The following PLCB4 variants were observed in gnomAD, a reference collection of about 807,000 sequenced individuals.
PLCB4 encodes 1-phosphatidylinositol 4,5-bisphosphate phosphodiesterase beta-4.
A neutral mutation model predicts 178.8 loss-of-function variants in PLCB4; 77 were observed. The observed-to-expected ratio is 0.43, with a 90% CI of 0.36 to 0.52. The LOEUF (loss-of-function observed/expected upper bound fraction) is 0.52, where lower values mean the gene tolerates loss of function less well. Ranked by LOEUF, PLCB4 falls within the 20% of genes least tolerant of loss-of-function variation. PLCB4 has a pLI of 0.00. For synonymous variants in PLCB4, 496 were observed against 490.8 expected (o/e 1.01, Z -0.14); for missense variants, 1,024 against 1,453.4 (o/e 0.70, Z 4.80).
intron 2 of PLCB4, among the ~76,000 whole-genome samples, chr20:9,139,262 A>T (rs2092441117): frequency 6.6e-6 from 1 of 151,896 alleles, no homozygotes. Context: ...GCTTAAAACA[A>T]CCACCACCAT....
At chr20:9,373,193 C>A in intron 12 of PLCB4, 89 bp downstream of exon 12, 1 of 639,006 alleles carries the variant, frequency 1.6e-6, no homozygotes, top group Admixed American at 2.8e-5. Flanking sequence ...CATCATATGC[C>A]CTTATTCGCT....
Position 9,453,398 on chromosome 20 carries a change from G to A in PLCB4, c.2932G>A (p.Ala978Thr). 3 of 1,613,126 alleles carry A rather than the reference G, an allele frequency of 1.9e-6. No homozygotes were observed. The highest frequency in any genetic ancestry group is 2.5e-6 in the Non-Finnish European group (3 of 1,179,458). ...LHCTQVDKIV[A>T]QYDKEKSTHE... is the part of the protein sequence containing the mutation. ...CTGCACGCAAGTTGACAAAATTGTGGCACAGTATGACAAAGAGAAGTCGAC... is the reference window on the plus strand; with the variant it reads ...CTGCACGCAAGTTGACAAAATTGTGACACAGTATGACAAAGAGAAGTCGAC... Residue 978 changes from alanine (A) to threonine (T), a missense_variant, in exon 33 of 40, where the codon GCA (alanine) becomes ACA (threonine). By Grantham distance (58) the Ala-to-Thr change is moderately conservative (BLOSUM62 0). Transcript: ENST00000378473.
intron 7 of PLCB4, among the ~76,000 whole-genome samples, chr20:9,362,377 C>G (rs140699553): frequency 6.6e-6 from 1 of 152,178 alleles, no homozygotes; most frequent in African/African-American, 2.4e-5. Flanking sequence ...GCTGTTTGCT[C>G]TGATCACCCT....
chr20:9,472,713 A>G, intron 36 of PLCB4, 77 bp from the exon 37 acceptor site: 1 of 780,482 alleles, frequency 1.3e-6, no homozygotes, highest in Admixed American at 2.5e-5. Flanking sequence ...TTGATGGAAT[A>G]TAGCTCTTTA....
In PLCB4 at chr20:9,406,559, G is replaced by A. The variant is rs367622845; in HGVS notation, c.1647+1211G>A. On this transcript the variant is annotated intron_variant, in intron 21 of 39. Coordinates refer to ENST00000378473, the MANE Select transcript of PLCB4 (RefSeq NM_001377142.1). ...GCTGGAGTGCAGTGGCGTGATCTCC[G>A]CTCACTGAAAGCTCTGCCCCCCGGG... 2.5e-4 allele frequency among the ~76,000 whole-genome samples: 37 copies of A among 150,532 alleles called. No homozygotes were observed. In the East Asian group the frequency reaches 6.5e-3, roughly 26 times the overall value.
chr20:9,232,272 A>C (rs1304283631), intron 3 of PLCB4, among the ~76,000 whole-genome samples: 1 of 152,180 alleles, frequency 6.6e-6, no homozygotes, highest in Non-Finnish European at 1.5e-5. Context: ...TGCATATAGC[A>C]CATACCTTAA....
chr20:9,375,900 C>T (rs911221169), intron 12 of PLCB4, among the ~76,000 whole-genome samples: 1 of 152,098 alleles, frequency 6.6e-6, no homozygotes, highest in Non-Finnish European at 1.5e-5. Flanking sequence ...ACATAAATCC[C>T]ATTTATATTA....
chr20:9,265,000 A>G (rs1477814700), intron 3 of PLCB4, among the ~76,000 whole-genome samples: 1 of 152,132 alleles, frequency 6.6e-6, no homozygotes. Context: ...TTTTGGGGCA[A>G]CTCCAAGAAT....
At chr20:9,239,902 G>A (rs1422098522) in intron 3 of PLCB4, among the ~76,000 whole-genome samples, 3 of 152,158 alleles carry the variant, frequency 2.0e-5, no homozygotes, top group Non-Finnish European at 4.4e-5. Context: ...AGGGCAGGAA[G>A]CATCTAGCAC....
At chr20:9,218,326 C>G (rs1307271248) in intron 3 of PLCB4, among the ~76,000 whole-genome samples, 1 of 152,160 alleles carries the variant, frequency 6.6e-6, no homozygotes, top group Non-Finnish European at 1.5e-5. Flanking sequence ...AGGCTGGTCT[C>G]AAACTCCTGA....
chr20:9,098,962 T>C (rs1033832703), intron 2 of PLCB4, among the ~76,000 whole-genome samples: 2 of 151,414 alleles, frequency 1.3e-5, no homozygotes, highest in African/African-American at 4.8e-5. Flanking sequence ...TATATGACTA[T>C]TTTAAAACTC....
chr20:9,101,011 C>G (rs1398740939), intron 2 of PLCB4, among the ~76,000 whole-genome samples: 1 of 151,966 alleles, frequency 6.6e-6, no homozygotes, highest in Admixed American at 6.6e-5. Flanking sequence ...TTCTGGTGGC[C>G]CATTTCTTCA....
rs141309884 is a variant in PLCB4 at position 9,295,740 on chromosome 20, G to A, written c.-15-12060G>A. ...AGGATCAGATGGTTGTAGATATGCG[G>A]CATTATTTCTGAGGGCTCTGTTCTG... On this transcript the variant is annotated intron_variant, in intron 3 of 39. Transcript: ENST00000378473. Among the ~76,000 whole-genome samples, 36 of 152,240 alleles carry A rather than the reference G, an allele frequency of 2.4e-4. 1 individual carries two copies. Among genetic ancestry groups the A allele is most frequent in the African/African-American group, 7.7e-4 (32 of 41,550 alleles).
At chr20:9,146,573 A>G (rs935104614) in intron 2 of PLCB4, among the ~76,000 whole-genome samples, 2 of 152,164 alleles carry the variant, frequency 1.3e-5, no homozygotes, top group Non-Finnish European at 2.9e-5. Flanking sequence ...CTCCGCTGAA[A>G]GGGCACAAGG....
chr20:9,291,549 T>C (rs1247326689), intron 3 of PLCB4, among the ~76,000 whole-genome samples: 2 of 152,148 alleles, frequency 1.3e-5, no homozygotes, highest in African/African-American at 4.8e-5. Flanking sequence ...GGTTTAGAGA[T>C]TTTGAAAATA....
chr20:9,103,581 A>C (rs1232430615), intron 2 of PLCB4, among the ~76,000 whole-genome samples: 1 of 152,212 alleles, frequency 6.6e-6, no homozygotes, highest in Admixed American at 6.5e-5. Context: ...TAATAAAAGG[A>C]AAATAATTTC....
intron 2 of PLCB4, among the ~76,000 whole-genome samples, chr20:9,165,793 TTG>T (rs3036061): frequency 0.068 from 9,432 of 139,386 alleles, 463 homozygotes; most frequent in African/African-American, 0.14. Flanking sequence ...CTGGGGCTGT[TTG>T]TGTGTGTGTG....
chr20:9,326,326 T>A (rs2030556802), intron 4 of PLCB4, among the ~76,000 whole-genome samples: 3 of 152,172 alleles, frequency 2.0e-5, no homozygotes, highest in Admixed American at 2.0e-4. Context: ...GTTGATGATG[T>A]TCTTTATTCC....
chr20:9,414,967 A>G (rs2040141530), intron 25 of PLCB4, among the ~76,000 whole-genome samples: 1 of 152,156 alleles, frequency 6.6e-6, no homozygotes, highest in Non-Finnish European at 1.5e-5. Flanking sequence ...GATGCCTGAA[A>G]CCACCAAACC....
Sources: gnomAD v4.1 joint callset for allele counts (sites outside exome capture counted in the v4.1 genomes callset) on GRCh38, gnomAD v4.1.1 for gene constraint, MANE v1.5 for transcripts, NCBI Gene and HGNC (gene_info 2026-07-23, HGNC 2026-07-21) for gene names.